The following NFU1 variants were observed in gnomAD, a reference collection of about 807,000 sequenced individuals.
NFU1 encodes NFU1 iron-sulfur cluster scaffold homolog, mitochondrial.
A neutral mutation model predicts 32.2 loss-of-function variants in NFU1; 30 were observed. That is an observed-to-expected ratio of 0.93 (90% CI 0.70 to 1.26). The LOEUF is 1.26. Among genes scored for constraint, NFU1 ranks in the 50% most tolerant of loss-of-function variants. The pLI, the probability that NFU1 is intolerant of heterozygous loss-of-function variation, is 0.00. For missense variants in NFU1, 306 were observed against 306.6 expected (o/e 1.00, Z 0.02); for synonymous variants, 112 against 104.6 (o/e 1.07, Z -0.43).
chr2:69,400,936 C>T (rs1014890224), intron 6 of NFU1, among the ~76,000 whole-genome samples: 27 of 151,986 alleles, frequency 1.8e-4, no homozygotes, highest in African/African-American at 6.3e-4. Flanking sequence ...GGTGACACAG[C>T]GAGACCCTGT....
At chr2:69,439,188 G>A (rs916817942), upstream of NFU1, among the ~76,000 whole-genome samples, 2 of 152,070 alleles carry the variant, frequency 1.3e-5, no homozygotes, top group South Asian at 2.1e-4. Context: ...CCTGAAACGA[G>A]GCTTCTATGT....
chr2:69,398,390 G>A (rs981094115), intron 7 of NFU1, among the ~76,000 whole-genome samples: 5 of 152,172 alleles, frequency 3.3e-5, no homozygotes, highest in African/African-American at 1.2e-4. Context: ...GGACCAAAAC[G>A]ATGGTGTGGA....
intron 5 of NFU1, among the ~76,000 whole-genome samples, chr2:69,413,404 G>A (rs6754855): frequency 6.6e-6 from 1 of 150,918 alleles, no homozygotes; most frequent in Non-Finnish European, 1.5e-5. Context: ...TAAAATATAC[G>A]GCTAATGTGG....
chr2:69,413,152 G>A (rs925702537), intron 5 of NFU1, among the ~76,000 whole-genome samples: 3 of 151,994 alleles, frequency 2.0e-5, no homozygotes, highest in Non-Finnish European at 4.4e-5. Context: ...GGGCATGGTG[G>A]CAGGCACCTG....
upstream of NFU1, among the ~76,000 whole-genome samples, chr2:69,439,109 G>C (rs1325318718): frequency 6.6e-6 from 1 of 151,908 alleles, no homozygotes; most frequent in African/African-American, 2.4e-5. Flanking sequence ...CTTCCCTTCA[G>C]AACCAAGTGG....
At chr2:69,412,132 C>T (rs909936189) in intron 5 of NFU1, among the ~76,000 whole-genome samples, 1 of 151,972 alleles carries the variant, frequency 6.6e-6, no homozygotes, top group African/African-American at 2.4e-5. Flanking sequence ...CTCACTGCAA[C>T]CTCTGCCTCC....
chr2:69,408,654 A>C (rs1223769795), intron 5 of NFU1, among the ~76,000 whole-genome samples: 1 of 151,048 alleles, frequency 6.6e-6, no homozygotes, highest in Non-Finnish European at 1.5e-5. Context: ...CGGGAGGCGG[A>C]GGTTGCAGTG....
chr2:69,426,046 C>G (rs1382691351), intron 2 of NFU1, among the ~76,000 whole-genome samples: 1 of 152,224 alleles, frequency 6.6e-6, no homozygotes, highest in African/African-American at 2.4e-5. Context: ...AATCTTGGCT[C>G]ACTACAACCT....
chr2:69,400,483 T>C lies in NFU1; in HGVS notation c.601A>G (p.Ile201Val). 6.2e-7 allele frequency: 1 copy of C among 1,614,202 alleles called. No homozygotes were observed. The highest frequency in any genetic ancestry group is 8.5e-7 in the Non-Finnish European group (1 of 1,180,028). The change falls in exon 7 of 8, where the codon ATT (isoleucine) becomes GTT (valine). Residue 201 changes from isoleucine (I) to valine (V), a missense_variant. Transcript: ENST00000410022. ...GAACCCTGGAGTTTCAGCTGTACAA[T>C]GCCATCTTCAAAGCCTTTGTAGATT... ...DVIYKGFEDG[I>V]VQLKLQGSCT...
intron 2 of NFU1, among the ~76,000 whole-genome samples, chr2:69,427,149 GC>G: frequency 6.6e-6 from 1 of 151,168 alleles, no homozygotes; most frequent in East Asian, 2.0e-4. Context: ...ACTTTGGGAG[GC>G]CAAAGCGGGT....
intron 3 of NFU1, among the ~76,000 whole-genome samples, chr2:69,420,846 T>A (rs1365711698): frequency 6.6e-6 from 1 of 152,134 alleles, no homozygotes; most frequent in East Asian, 1.9e-4. Flanking sequence ...GAAAAAATAG[T>A]GAAAACTATC....
intron 5 of NFU1, among the ~76,000 whole-genome samples, chr2:69,408,953 C>T (rs1672794198): frequency 6.8e-6 from 1 of 146,182 alleles, no homozygotes; most frequent in South Asian, 2.2e-4. Context: ...AATTCTCCTG[C>T]CTCAGCCTCC....
In NFU1 at chr2:69,433,144, C is replaced by T. The variant is rs536179754; in HGVS notation, c.63-1139G>A. Among the ~76,000 whole-genome samples, 580 of 110,350 alleles carry T rather than the reference C, an allele frequency of 5.3e-3. 5 individuals are homozygous for T. Among genetic ancestry groups the T allele is most frequent in the African/African-American group, 0.019 (558 of 29,702 alleles). The allele number at this position is 110,350 out of a possible 152,430, so 72.4% of individuals were successfully genotyped here. On this transcript the variant is annotated intron_variant, in intron 1 of 7. Coordinates refer to ENST00000410022, the MANE Select transcript of NFU1 (RefSeq NM_001002755.4). ...CAGCCTGGCCCAAAGAGCAAGACTC[C>T]ATCTCCAAAAAAAAAAAAAAAAAAA...
At chr2:69,419,044 G>A (rs1673151577) in intron 4 of NFU1, among the ~76,000 whole-genome samples, 1 of 152,108 alleles carries the variant, frequency 6.6e-6, no homozygotes, top group African/African-American at 2.4e-5. Context: ...TATAGGCGTG[G>A]TGGCTCACGC....
chr2:69,419,659 A>G, intron 3 of NFU1, 55 bp from the exon 4 acceptor site: 1 of 1,040,100 alleles, frequency 9.6e-7, no homozygotes, highest in South Asian at 1.4e-5. Flanking sequence ...GGAAAAGTTT[A>G]AACATACACA....
At chr2:69,413,335 G>A (rs1484332041) in intron 5 of NFU1, among the ~76,000 whole-genome samples, 3 of 89,680 alleles carry the variant, frequency 3.3e-5, no homozygotes, top group African/African-American at 7.8e-5. Context: ...CCCAACATAC[G>A]GGTAAAAAAA....
At chr2:69,431,771 T>C (rs1057166468) in intron 2 of NFU1, 131 bp downstream of exon 2, 2 of 674,534 alleles carry the variant, frequency 3.0e-6, no homozygotes, top group Non-Finnish European at 5.3e-6. Context: ...ATATAGCTTT[T>C]TTTCCTATAT....
At chr2:69,434,650 C>T (rs961724832) in intron 1 of NFU1, among the ~76,000 whole-genome samples, 14 of 152,192 alleles carry the variant, frequency 9.2e-5, no homozygotes, top group African/African-American at 3.4e-4. Flanking sequence ...ATTACCACTG[C>T]CACTTCATAG....
intron 2 of NFU1, among the ~76,000 whole-genome samples, chr2:69,431,323 T>A (rs1372501777): frequency 6.6e-6 from 1 of 152,144 alleles, no homozygotes; most frequent in African/African-American, 2.4e-5. Context: ...AACTTCTTTT[T>A]GAGACAGGGT....
Sources: allele counts gnomAD v4.1 joint callset (sites outside exome capture counted in the v4.1 genomes callset), GRCh38; gene constraint gnomAD v4.1.1; transcripts MANE v1.5; gene names NCBI Gene and HGNC (gene_info 2026-07-23, HGNC 2026-07-21).